Variants in CNTN5 observed in about 807,000 individuals in gnomAD.
CNTN5 encodes contactin-5.
Under a neutral mutation model 129.1 loss-of-function variants are expected in CNTN5, and 77 were observed. The ratio of observed to expected loss-of-function variants is 0.60; its 90% CI spans 0.50 to 0.72. CNTN5 has a LOEUF of 0.72. CNTN5 is among the 30% of genes least tolerant of loss of function. CNTN5 has a pLI of 0.00. For synonymous variants in CNTN5, 509 were observed against 465.6 expected (o/e 1.09, Z -1.20); for missense variants, 1,478 against 1,328.8 (o/e 1.11, Z -1.75).
chr11:100,109,265 A>C (rs11222805), intron 13 of CNTN5, among the ~76,000 whole-genome samples: 18,282 of 152,138 alleles, frequency 0.12, 1,108 homozygotes, highest in South Asian at 0.13. Context: ...GTCTCTACTA[A>C]GAATACAAAA....
intron 3 of CNTN5, among the ~76,000 whole-genome samples, chr11:99,817,762 A>C (rs1231890053): frequency 6.6e-6 from 1 of 152,160 alleles, no homozygotes; most frequent in South Asian, 2.1e-4. Context: ...TCTAGGTGCC[A>C]AAACTTGCAT....
intron 1 of CNTN5, among the ~76,000 whole-genome samples, chr11:99,255,044 A>G (rs1384643847): frequency 2.0e-5 from 3 of 151,994 alleles, no homozygotes; most frequent in African/African-American, 7.2e-5. Flanking sequence ...TCCAACAAGA[A>G]CAAAATAGAA....
intron 2 of CNTN5, among the ~76,000 whole-genome samples, chr11:99,342,596 A>C (rs868271559): frequency 0.046 from 6,608 of 142,154 alleles, 350 homozygotes; most frequent in East Asian, 0.11. Context: ...AAAAAAAAAA[A>C]AAAAAAGCAG....
In CNTN5 at chr11:99,525,144, G is replaced by T. The variant is rs1947436830; in HGVS notation, c.-70-31001G>T. On this transcript the variant is annotated intron_variant, in intron 2 of 24. Transcript: ENST00000524871. ...TTACCATGAAAAGCCAATTTAAAGG[G>T]AGGCTTTTTTTTTACATTAGGAAGA... is the stretch of plus-strand genomic sequence containing the variant. Among the ~76,000 whole-genome samples, 5 of 139,180 alleles carry T rather than the reference G, an allele frequency of 3.6e-5. No individual in the cohort carries two copies. The South Asian group carries it at 1.2e-3, about 32-fold the overall frequency. 91.3% of individuals were successfully genotyped at this position (139,180 alleles called of 152,430 possible).
intron 3 of CNTN5, among the ~76,000 whole-genome samples, chr11:99,808,636 AG>A (rs1423213604): frequency 6.6e-6 from 1 of 152,186 alleles, no homozygotes; most frequent in Non-Finnish European, 1.5e-5. Flanking sequence ...CTCACCTTGC[AG>A]GGATTCCTAG....
At chr11:99,727,885 A>G (rs902270321) in intron 3 of CNTN5, among the ~76,000 whole-genome samples, 1 of 147,548 alleles carries the variant, frequency 6.8e-6, no homozygotes, top group Non-Finnish European at 1.5e-5. Context: ...AATCTGCACA[A>G]TTATCCATCA....
intron 1 of CNTN5, among the ~76,000 whole-genome samples, chr11:99,024,870 TAC>T (rs1037170212): frequency 4.6e-5 from 7 of 152,122 alleles, no homozygotes; most frequent in African/African-American, 7.2e-5. Context: ...CTTAAGAAAT[TAC>T]AGTCATATTC....
chr11:100,054,867 A>G (rs1484325848), intron 9 of CNTN5, among the ~76,000 whole-genome samples: 1 of 151,596 alleles, frequency 6.6e-6, no homozygotes, highest in Non-Finnish European at 1.5e-5. Context: ...ACTTTTCTCT[A>G]CACAGTCGTT....
chr11:100,278,511 T>C (rs1367859594), intron 18 of CNTN5, among the ~76,000 whole-genome samples: 3 of 152,006 alleles, frequency 2.0e-5, no homozygotes, highest in Non-Finnish European at 2.9e-5. Context: ...GTTTTCATTA[T>C]AGAGATATTT....
chr11:99,445,952 C>T (rs1944047988), intron 2 of CNTN5, among the ~76,000 whole-genome samples: 1 of 151,930 alleles, frequency 6.6e-6, no homozygotes, highest in Non-Finnish European at 1.5e-5. Flanking sequence ...GGCGTGGTGG[C>T]AGGCTCCTGT....
chr11:100,182,220 G>A (rs10894576), intron 13 of CNTN5, among the ~76,000 whole-genome samples: 40,229 of 151,790 alleles, frequency 0.27, 6,001 homozygotes, highest in East Asian at 0.57. Flanking sequence ...TTTAGTTTGG[G>A]CAGCTGTAAC....
intron 1 of CNTN5, among the ~76,000 whole-genome samples, chr11:99,206,067 C>T (rs903520976): frequency 6.6e-6 from 1 of 152,088 alleles, no homozygotes; most frequent in East Asian, 1.9e-4. Context: ...ATATTCTTTA[C>T]ATGTCATTAG....
At chr11:100,161,537 T>A (rs1159739869) in intron 13 of CNTN5, among the ~76,000 whole-genome samples, 1 of 150,344 alleles carries the variant, frequency 6.7e-6, no homozygotes, top group East Asian at 1.9e-4. Context: ...ATGCATATTG[T>A]AAGTAACTTT....
At chr11:99,781,018 T>G (rs1212009505) in intron 3 of CNTN5, among the ~76,000 whole-genome samples, 1 of 152,208 alleles carries the variant, frequency 6.6e-6, no homozygotes, top group Middle Eastern at 3.4e-3. Flanking sequence ...AAAATATTGG[T>G]AGATGCTAAT....
At chr11:99,453,298 G>A (rs555987604) in intron 2 of CNTN5, among the ~76,000 whole-genome samples, 4 of 152,122 alleles carry the variant, frequency 2.6e-5, no homozygotes, top group Non-Finnish European at 5.9e-5. Flanking sequence ...TTGAGGAGAG[G>A]AAAGCGTTGG....
chr11:100,302,382 C>A (rs910786338), intron 20 of CNTN5, among the ~76,000 whole-genome samples: 1 of 151,566 alleles, frequency 6.6e-6, no homozygotes, highest in African/African-American at 2.4e-5. Flanking sequence ...CTAATCTGAG[C>A]GAAATTGTAT....
At chr11:99,528,202 A>G (rs1474482108) in intron 2 of CNTN5, among the ~76,000 whole-genome samples, 1 of 152,204 alleles carries the variant, frequency 6.6e-6, no homozygotes, top group Non-Finnish European at 1.5e-5. Context: ...AAAATTCTTT[A>G]CATATTTAAA....
At position 100,356,117 on chromosome 11, in the gene CNTN5, G is replaced by A. The variant is rs774539324; in HGVS notation, c.3200G>A (p.Gly1067Asp). Residue 1067 changes from glycine to aspartate, a missense_variant and splice_region_variant, in exon 25 of 25, where the codon GGT (glycine) becomes GAT (aspartate). Coordinates refer to ENST00000524871, the MANE Select transcript of CNTN5 (RefSeq NM_014361.4). ...SSQIRVPSYS[G>D]GKITSAQSTL... is the part of the protein sequence containing the mutation. ...CCATTTGATGCTTCTTTTTTCACAG[G>A]TGGAAAAATCACAAGTGCACAGTCG... 5.6e-6 allele frequency: 9 copies of A among 1,603,688 alleles called. No individual in the cohort carries two copies. The African/African-American group carries it at 9.4e-5, about 17-fold the overall frequency.
At chr11:100,007,527 T>C (rs904814463) in intron 9 of CNTN5, among the ~76,000 whole-genome samples, 1 of 152,262 alleles carries the variant, frequency 6.6e-6, no homozygotes, top group South Asian at 2.1e-4. Context: ...GTTATAAAGA[T>C]AGCTTCTTTC....
Sources: gnomAD v4.1 joint callset for allele counts (sites outside exome capture counted in the v4.1 genomes callset) on GRCh38, gnomAD v4.1.1 for gene constraint, MANE v1.5 for transcripts, NCBI Gene and HGNC (gene_info 2026-07-23, HGNC 2026-07-21) for gene names.